The following PGCKA1 variants were observed in gnomAD, a reference collection of about 807,000 sequenced individuals.
The protein encoded by PGCKA1 is PDCD10 and GCKIII kinases-associated protein 1.
chr4:37,532,381 T>C, the PGCKA1 span, among the ~76,000 whole-genome samples: 2 of 151,370 alleles, frequency 1.3e-5, no homozygotes, highest in African/African-American at 4.9e-5. Flanking sequence ...TAAACAAAAA[T>C]GTGAACCAGC....
chr4:37,587,316 G>A, the PGCKA1 span, among the ~76,000 whole-genome samples: 1 of 152,132 alleles, frequency 6.6e-6, no homozygotes, highest in Non-Finnish European at 1.5e-5. Flanking sequence ...TAATTTGGGG[G>A]CTGGGGTGGC....
the PGCKA1 span, among the ~76,000 whole-genome samples, chr4:37,522,558 TG>T: frequency 2.6e-5 from 4 of 152,176 alleles, no homozygotes; most frequent in East Asian, 3.9e-4. Context: ...AAGAGCTTCC[TG>T]AGTACTCTAC....
At chr4:37,553,824 T>A in the PGCKA1 span, among the ~76,000 whole-genome samples, 434 of 152,344 alleles carry the variant, frequency 2.8e-3, 2 homozygotes, top group African/African-American at 9.7e-3. Context: ...CAAGTCACTG[T>A]GCCAAGGGAC....
At chr4:37,561,662 A>C in the PGCKA1 span, among the ~76,000 whole-genome samples, 1 of 152,250 alleles carries the variant, frequency 6.6e-6, no homozygotes, top group Non-Finnish European at 1.5e-5. Context: ...ACTGCAGTCG[A>C]CAATCATAAT....
At chr4:37,469,841 T>C in the PGCKA1 span, among the ~76,000 whole-genome samples, 1 of 152,168 alleles carries the variant, frequency 6.6e-6, no homozygotes, top group African/African-American at 2.4e-5. Context: ...AACTCAAAGG[T>C]TGATGTTCTC....
chr4:37,486,829 T>C, the PGCKA1 span, among the ~76,000 whole-genome samples: 1 of 152,178 alleles, frequency 6.6e-6, no homozygotes, highest in African/African-American at 2.4e-5. Flanking sequence ...TCATAATATA[T>C]TTGAATGATA....
the PGCKA1 span, chr4:37,591,254 T>C: frequency 5.3e-6 from 2 of 378,270 alleles, no homozygotes; most frequent in Non-Finnish European, 9.6e-6. Context: ...TGTGCCCATA[T>C]CCACAGAAAA....
the PGCKA1 span, among the ~76,000 whole-genome samples, chr4:37,547,543 G>A: frequency 6.6e-6 from 1 of 152,190 alleles, no homozygotes; most frequent in Admixed American, 6.5e-5. Flanking sequence ...AGAACTTTGT[G>A]TGAAATAGAC....
the PGCKA1 span, among the ~76,000 whole-genome samples, chr4:37,477,068 G>A: frequency 2.0e-5 from 3 of 152,098 alleles, no homozygotes; most frequent in Admixed American, 1.3e-4. Context: ...AAAAACATAC[G>A]TTTATGTCAC....
the PGCKA1 span, among the ~76,000 whole-genome samples, chr4:37,490,762 C>T: frequency 6.6e-6 from 1 of 152,066 alleles, no homozygotes; most frequent in Non-Finnish European, 1.5e-5. Flanking sequence ...GTGTATAATA[C>T]ATACCAAATT....
chr4:37,564,329 A>G, the PGCKA1 span, among the ~76,000 whole-genome samples: 1 of 151,718 alleles, frequency 6.6e-6, no homozygotes, highest in Non-Finnish European at 1.5e-5. Context: ...GACAATTGCC[A>G]TGAACATGCA....
At chr4:37,459,822 G>T in the PGCKA1 span, among the ~76,000 whole-genome samples, 21 of 140,350 alleles carry the variant, frequency 1.5e-4, no homozygotes, top group East Asian at 4.6e-4. Flanking sequence ...TTTTAGCTTG[G>T]TTTTTTTTTT....
At chr4:37,525,585 C>T in the PGCKA1 span, among the ~76,000 whole-genome samples, 48 of 152,268 alleles carry the variant, frequency 3.2e-4, no homozygotes, top group Admixed American at 1.0e-3. Flanking sequence ...CTTTTAGGTT[C>T]TTCTACCACC....
chr4:37,555,507 G>T, the PGCKA1 span, among the ~76,000 whole-genome samples: 22 of 152,164 alleles, frequency 1.4e-4, no homozygotes, highest in East Asian at 5.8e-4. Context: ...TTCCGAAAAT[G>T]GTTGTGGAGG....
chr4:37,456,707 C>G, the PGCKA1 span, among the ~76,000 whole-genome samples: 1 of 152,152 alleles, frequency 6.6e-6, no homozygotes, highest in African/African-American at 2.4e-5. Context: ...GGACACAGTC[C>G]TTGTCTTCAG....
the PGCKA1 span, among the ~76,000 whole-genome samples, chr4:37,512,627 T>C: frequency 6.6e-6 from 1 of 152,000 alleles, no homozygotes; most frequent in African/African-American, 2.4e-5. Context: ...CTAATTTTTT[T>C]ATATTTTTAG....
the PGCKA1 span, among the ~76,000 whole-genome samples, chr4:37,562,956 A>C: frequency 6.6e-6 from 1 of 152,146 alleles, no homozygotes; most frequent in East Asian, 1.9e-4. Context: ...GGGGGTGTTT[A>C]AGGCCTCTAA....
At chr4:37,484,931 C>G in the PGCKA1 span, among the ~76,000 whole-genome samples, 2 of 152,164 alleles carry the variant, frequency 1.3e-5, no homozygotes, top group East Asian at 3.8e-4. Context: ...GTAGCCTGAA[C>G]AGATTAAGAA....
At chr4:37,542,545 T>C in the PGCKA1 span, among the ~76,000 whole-genome samples, 2 of 146,680 alleles carry the variant, frequency 1.4e-5, no homozygotes. Flanking sequence ...AGATCAGCAC[T>C]ATCCAATAGA....
Sources: allele counts gnomAD v4.1 joint callset (sites outside exome capture counted in the v4.1 genomes callset), GRCh38; gene constraint gnomAD v4.1.1; transcripts MANE v1.5; gene names NCBI Gene and HGNC (gene_info 2026-07-23, HGNC 2026-07-21).